Variants in SORBS2 observed in about 807,000 individuals in gnomAD.
The protein encoded by SORBS2 is sorbin and SH3 domain-containing protein 2.
Under a neutral mutation model 97.7 loss-of-function variants are expected in SORBS2, and 46 were observed. The observed-to-expected ratio is 0.47, with a 90% CI of 0.37 to 0.60. The LOEUF (loss-of-function observed/expected upper bound fraction) is 0.60, where lower values mean the gene tolerates loss of function less well. Ranked by LOEUF, SORBS2 falls within the 20% of genes least tolerant of loss-of-function variation. The pLI is 0.00. For synonymous variants in SORBS2, 476 were observed against 473.4 expected (o/e 1.01, Z -0.07); for missense variants, 1,316 against 1,282.3 (o/e 1.03, Z -0.40).
At chr4:185,781,957 A>G (rs2099033234) in intron 1 of SORBS2, among the ~76,000 whole-genome samples, 1 of 152,242 alleles carries the variant, frequency 6.6e-6, no homozygotes, top group Non-Finnish European at 1.5e-5. Flanking sequence ...TTGTTGGAGT[A>G]ATTGATCGGA....
chr4:185,889,877 A>C (rs1429262899), intron 1 of SORBS2, among the ~76,000 whole-genome samples: 2 of 152,020 alleles, frequency 1.3e-5, no homozygotes, highest in African/African-American at 4.8e-5. Flanking sequence ...CAATTCTGCC[A>C]GAATAATTTT....
At chr4:185,935,272 C>CAT (rs1326224932) in intron 1 of SORBS2, among the ~76,000 whole-genome samples, 1 of 152,214 alleles carries the variant, frequency 6.6e-6, no homozygotes, top group African/African-American at 2.4e-5. Context: ...TTCTGTCCCA[C>CAT]CATAAAGGGG....
At chr4:185,955,689 A>G (rs1046216805) in intron 1 of SORBS2, among the ~76,000 whole-genome samples, 1 of 152,210 alleles carries the variant, frequency 6.6e-6, no homozygotes, top group Non-Finnish European at 1.5e-5. Flanking sequence ...ATTATTAAGC[A>G]CAGTGAAAAT....
rs371502924 is a variant in SORBS2, at chr4:185,759,700, TAA to T, written c.-198+15525_-198+15526del. Among the ~76,000 whole-genome samples, 51 of 152,304 alleles carry T rather than the reference TAA, an allele frequency of 3.3e-4. 1 individual carries two copies. The highest frequency in any genetic ancestry group is 1.2e-3 in the African/African-American group (48 of 41,566). On this transcript the variant is annotated intron_variant, in intron 2 of 20. Coordinates refer to the SORBS2 transcript ENST00000284776. ...TAAGCTGTGGTTTTGATGAATGCTCTAAGAATCATCCCCAGTGATAAATATTC... is the reference window on the plus strand; with the variant it reads ...TAAGCTGTGGTTTTGATGAATGCTCTGAATCATCCCCAGTGATAAATATTC...
intron 7 of SORBS2, among the ~76,000 whole-genome samples, chr4:185,621,413 C>G (rs13435843): frequency 6.6e-6 from 1 of 151,948 alleles, no homozygotes; most frequent in Non-Finnish European, 1.5e-5. Context: ...CAAAGCCCTT[C>G]CAAGTTACGT....
intron 4 of SORBS2, among the ~76,000 whole-genome samples, chr4:185,644,602 C>T (rs771561334): frequency 3.3e-5 from 5 of 152,076 alleles, no homozygotes; most frequent in Admixed American, 6.6e-5. Flanking sequence ...TGGGGCAAGG[C>T]GAGCTAATGT....
At chr4:185,605,995 G>T (rs2096409337) in intron 12 of SORBS2, 1 of 576,328 alleles carries the variant, frequency 1.7e-6, no homozygotes, top group Non-Finnish European at 2.2e-6. Flanking sequence ...AGTAGTCAAT[G>T]TGAAGTCAAC....
rs368407144 is a variant in SORBS2 at position 185,587,609 on chromosome 4, A to T, written c.*18T>A. On this transcript the variant is annotated 3_prime_UTR_variant, in exon 15 of 15. Transcript: ENST00000418609. The stretch of plus-strand genomic sequence containing the variant: ...TGCATGGCTGGCAGGCGGCCTCTAC[A>T]GAAGGAGGGAGCGCAATTCACAGCC... 1.7e-4 allele frequency: 268 copies of T among 1,611,658 alleles called. 1 individual carries two copies. Among genetic ancestry groups the T allele is most frequent in the Admixed American group, 2.7e-4 (16 of 59,804 alleles).
chr4:185,928,703 G>A (rs1007477327), intron 1 of SORBS2, among the ~76,000 whole-genome samples: 1 of 152,180 alleles, frequency 6.6e-6, no homozygotes, highest in African/African-American at 2.4e-5. Flanking sequence ...CTGCCACCAC[G>A]CCTGGCTAAT....
intron 1 of SORBS2, among the ~76,000 whole-genome samples, chr4:185,912,585 CAAAAAAAAAAAAA>C (rs60906233): frequency 1.6e-5 from 1 of 64,378 alleles, no homozygotes; most frequent in African/African-American, 6.4e-5. Flanking sequence ...AACTCCATCT[CAAAAAAAAAAAAA>C]AAAAAAAAAA....
At chr4:185,696,976 T>A (rs1283170687) in intron 2 of SORBS2, among the ~76,000 whole-genome samples, 1 of 152,168 alleles carries the variant, frequency 6.6e-6, no homozygotes, top group African/African-American at 2.4e-5. Flanking sequence ...AGGCACCTTA[T>A]CAAAGAGACA....
intron 1 of SORBS2, among the ~76,000 whole-genome samples, chr4:185,866,565 C>T (rs1014978567): frequency 6.6e-6 from 1 of 152,150 alleles, no homozygotes; most frequent in Non-Finnish European, 1.5e-5. Context: ...ATAACGGATT[C>T]GCTTGCTTTA....
intron 1 of SORBS2, among the ~76,000 whole-genome samples, chr4:185,922,585 TC>T (rs2099261415): frequency 6.6e-6 from 1 of 152,242 alleles, no homozygotes; most frequent in Non-Finnish European, 1.5e-5. Flanking sequence ...GATATGACAT[TC>T]TGCTTTCCTT....
At chr4:185,731,498 C>CTCCA (rs2098627168) in intron 2 of SORBS2, among the ~76,000 whole-genome samples, 1 of 71,814 alleles carries the variant, frequency 1.4e-5, no homozygotes, top group Non-Finnish European at 3.2e-5. Flanking sequence ...GCCTGTCTCT[C>CTCCA]TCCCTCCCTC....
chr4:185,905,951 T>C (rs2099250555), intron 1 of SORBS2, among the ~76,000 whole-genome samples: 1 of 152,186 alleles, frequency 6.6e-6, no homozygotes, highest in Non-Finnish European at 1.5e-5. Flanking sequence ...TCTGCCTCCT[T>C]CTCATACTCT....
chr4:185,620,168 G>A lies in SORBS2; in HGVS notation c.2216-17C>T. 6.7e-7 allele frequency: 1 copy of A among 1,495,802 alleles called. No homozygotes were observed. Among genetic ancestry groups the A allele is most frequent in the Non-Finnish European group, 9.3e-7 (1 of 1,071,664 alleles). The allele number at this position is 1,495,802 out of a possible 1,614,324, so 92.7% of individuals were successfully genotyped here. A position where few individuals can be genotyped will look rare whatever the true frequency, so the allele number is the denominator to read the frequency against. On this transcript the variant is annotated splice_polypyrimidine_tract_variant and intron_variant, in intron 7 of 14. Coordinates refer to ENST00000418609, the Ensembl canonical transcript of SORBS2. ...ACTCACGGTCTATTGGAAAGAACAG[G>A]GCCAGTCATGGTGAGTATCCACTTA...
chr4:185,760,399 T>A (rs1387912583), intron 2 of SORBS2, among the ~76,000 whole-genome samples: 1 of 152,156 alleles, frequency 6.6e-6, no homozygotes, highest in African/African-American at 2.4e-5. Context: ...CCATCTCTAC[T>A]AAATATACAA....
exon 3 of SORBS2, chr4:185,649,644 G>A: frequency 1.4e-6 from 2 of 1,473,476 alleles, no homozygotes; most frequent in Non-Finnish European, 1.8e-6. Context: ...ACTGTAGGGT[G>A]GGTTGTACAG....
intron 8 of SORBS2, among the ~76,000 whole-genome samples, chr4:185,619,744 A>G (rs2096685882): frequency 6.6e-6 from 1 of 152,208 alleles, no homozygotes; most frequent in Non-Finnish European, 1.5e-5. Flanking sequence ...GAGGAAACCT[A>G]TTGCCTCCAC....
Sources: gnomAD v4.1 joint callset for allele counts (sites outside exome capture counted in the v4.1 genomes callset) on GRCh38, gnomAD v4.1.1 for gene constraint, MANE v1.5 for transcripts, NCBI Gene and HGNC (gene_info 2026-07-23, HGNC 2026-07-21) for gene names.